SACS: variants seen among roughly 807,000 people sequenced by gnomAD.
SACS encodes the protein sacsin molecular chaperone, also known as sacsin.
A neutral mutation model predicts 348.0 loss-of-function variants in SACS; 197 were observed. The ratio of observed to expected loss-of-function variants is 0.57; its 90% CI spans 0.50 to 0.64. The LOEUF (loss-of-function observed/expected upper bound fraction) is 0.64. SACS is among the 30% of genes least tolerant of loss of function. The pLI is 0.00. For missense variants in SACS, 4,999 were observed against 5,360.8 expected, an observed-to-expected ratio of 0.93 and a Z score of 2.11; for synonymous variants, 1,985 against 1,910.6, an observed-to-expected ratio of 1.04 and a Z score of -1.02.
In SACS at chr13:23,337,398, A is replaced by G. The variant is rs1303733755; in HGVS notation, c.6478T>C (p.Trp2160Arg). ...QLGMAKDDIL[W>R]DDMLERAVSV... ...ACTGCACGTTCTAGCATATCATCCC[A>G]TAAAATATCATCTTTTGCCATACCT... Residue 2160 changes from tryptophan to arginine, a missense_variant, in exon 10 of 10, where the codon TGG (tryptophan) becomes CGG (arginine). Around this residue, in one of 6 missense-constraint regions of SACS, gnomAD observed 3,156 missense variants for 3,380.1 expected, o/e 0.93. Coordinates refer to ENST00000382292, the MANE Select transcript of SACS (RefSeq NM_014363.6). 2 of 1,613,070 alleles carry G rather than the reference A, an allele frequency of 1.2e-6. No individual in the cohort carries two copies. The highest frequency in any genetic ancestry group is 8.5e-7 in the Non-Finnish European group (1 of 1,179,678).
chr13:23,388,804 T>C (rs1003289761), intron 2 of SACS, among the ~76,000 whole-genome samples: 2 of 151,850 alleles, frequency 1.3e-5, no homozygotes, highest in South Asian at 2.1e-4. Context: ...AGGTGATGAG[T>C]GCACTAAAAT....
intron 5 of SACS, among the ~76,000 whole-genome samples, chr13:23,367,177 A>G (rs1374166678): frequency 6.6e-6 from 1 of 152,188 alleles, no homozygotes; most frequent in Non-Finnish European, 1.5e-5. Flanking sequence ...CCTCGTAGCA[A>G]TACTCTTTCC....
At chr13:23,388,797 T>G (rs1872411219) in intron 2 of SACS, among the ~76,000 whole-genome samples, 1 of 151,850 alleles carries the variant, frequency 6.6e-6, no homozygotes, top group Non-Finnish European at 1.5e-5. Flanking sequence ...GCTACTCAGG[T>G]GATGAGTGCA....
At position 23,338,512 on chromosome 13, in the gene SACS, GTCA is replaced by G. The variant is rs775922113; in HGVS notation, c.5361_5363del (p.Asp1788del). On this transcript the variant is annotated inframe_deletion, in exon 10 of 10. Coordinates refer to ENST00000382292, the MANE Select transcript of SACS (RefSeq NM_014363.6). ...TAGCCATTTCAAAGAGAGCAGCTGG[GTCA>G]TCATCTGGACCTCTAAAAAGTGGCG... 1.9e-6 allele frequency: 3 copies of G among 1,614,150 alleles called. No individual in the cohort carries two copies. Among genetic ancestry groups the G allele is most frequent in the Admixed American group, 3.3e-5 (2 of 60,018 alleles).
At chr13:23,377,529 C>A (rs1165853244) in intron 2 of SACS, among the ~76,000 whole-genome samples, 1 of 152,126 alleles carries the variant, frequency 6.6e-6, no homozygotes, top group Admixed American at 6.5e-5. Context: ...AAAATAAAAT[C>A]TTCTTATCCT....
At chr13:23,413,493 G>C (rs59911760) in intron 1 of SACS, among the ~76,000 whole-genome samples, 44,915 of 152,020 alleles carry the variant, frequency 0.3, 7,107 homozygotes, top group East Asian at 0.46. Context: ...CAACCAGGAG[G>C]GGATGGACTG....
At chr13:23,359,926 A>C (rs1209335834) in intron 6 of SACS, among the ~76,000 whole-genome samples, 2 of 152,172 alleles carry the variant, frequency 1.3e-5, no homozygotes, top group African/African-American at 4.8e-5. Context: ...TGGCATGACT[A>C]CTATTTTTAA....
chr13:23,330,786 T>C lies in SACS; in HGVS notation c.13090A>G (p.Lys4364Glu). 1 of 1,613,876 alleles carries C rather than the reference T, an allele frequency of 6.2e-7. No homozygotes were observed. The highest frequency in any genetic ancestry group is 8.5e-7 in the Non-Finnish European group (1 of 1,179,934). The change falls in exon 10 of 10, where the codon AAA becomes GAA. Residue 4364 changes from lysine (K) to glutamate (E), a missense_variant. Coordinates refer to ENST00000382292, the MANE Select transcript of SACS (RefSeq NM_014363.6). ...GCATTTTGATCTAGAAAAGCCTGTT[T>C]TTCTAATCTGTTGATTTCATTCTGC... ...HLQNEINRLE[K>E]QAFLDQNADR... is the part of the protein sequence containing the mutation.
At chr13:23,357,755 A>G (rs1403097053) in intron 7 of SACS, among the ~76,000 whole-genome samples, 6 of 152,222 alleles carry the variant, frequency 3.9e-5, no homozygotes, top group Admixed American at 3.9e-4. Flanking sequence ...TCCTATTGTT[A>G]ACTAGGAACC....
chr13:23,329,961 T>G lies in SACS; in HGVS notation c.*175A>C. 3.1e-6 allele frequency: 2 copies of G among 636,726 alleles called. No individual in the cohort carries two copies. Among genetic ancestry groups the G allele is most frequent in the Non-Finnish European group, 2.7e-6 (1 of 370,452 alleles). 39.4% of individuals were successfully genotyped at this position (636,726 alleles called of 1,614,324 possible). A position where few individuals can be genotyped will look rare whatever the true frequency, so the allele number is the denominator to read the frequency against. ...ATCTTCAAAATAGTTTTCTTTTAGATTCAGTTAAGGTTTTCCGTTGGTATT... is the reference window on the plus strand; with the variant it reads ...ATCTTCAAAATAGTTTTCTTTTAGAGTCAGTTAAGGTTTTCCGTTGGTATT... On this transcript the variant is annotated 3_prime_UTR_variant, in exon 10 of 10. Coordinates refer to ENST00000382292, the MANE Select transcript of SACS (RefSeq NM_014363.6).
At chr13:23,423,633 G>C (rs1300059515) in intron 1 of SACS, among the ~76,000 whole-genome samples, 1 of 152,162 alleles carries the variant, frequency 6.6e-6, no homozygotes, top group Non-Finnish European at 1.5e-5. Context: ...GAACATTTGT[G>C]ATGTGCTTTA....
rs763877740 is a variant in SACS, at chr13:23,334,484, C to T, written c.9392G>A (p.Ser3131Asn). Residue 3131 changes from serine to asparagine, a missense_variant, in exon 10 of 10, where the codon AGT (serine) becomes AAT (asparagine). This residue lies in a region of SACS where 734 missense variants were observed against 694.0 expected (regional missense o/e 1.06). Coordinates refer to ENST00000382292, the MANE Select transcript of SACS (RefSeq NM_014363.6). ...LQQTNLKLFH[S>N]LKLLVDYCFK... is the part of the protein sequence containing the mutation. ...ACAATAATCAACTAAAAGTTTTAAA[C>T]TATGAAAAAGTTTTAGATTAGTCTG... 2 of 1,612,940 alleles carry T rather than the reference C, an allele frequency of 1.2e-6. No individual in the cohort carries two copies. The highest frequency in any genetic ancestry group is 1.7e-6 in the Non-Finnish European group (2 of 1,179,744).
intron 2 of SACS, among the ~76,000 whole-genome samples, chr13:23,396,667 T>C (rs1267142238): frequency 6.6e-6 from 1 of 152,134 alleles, no homozygotes; most frequent in Non-Finnish European, 1.5e-5. Context: ...GTAAAACAAA[T>C]AGAAATCCAC....
At chr13:23,375,463 G>A (rs1268773968) in intron 2 of SACS, 194 bp from the exon 3 acceptor site, 3 of 1,171,346 alleles carry the variant, frequency 2.6e-6, no homozygotes, top group African/African-American at 3.2e-5. Flanking sequence ...GGGAGGGCGG[G>A]ATCCGCATGG....
At chr13:23,398,502 C>G (rs1314440269) in intron 2 of SACS, among the ~76,000 whole-genome samples, 1 of 148,248 alleles carries the variant, frequency 6.7e-6, no homozygotes, top group Non-Finnish European at 1.5e-5. Context: ...CCATTACACT[C>G]CAGCCTGGGC....
In SACS at chr13:23,339,433, T is replaced by C. The variant is rs1474969854; in HGVS notation, c.4443A>G (p.Leu1481=). Residue 1481 remains leucine (L), a synonymous_variant, in exon 10 of 10, where the codon CTA becomes CTG. Transcript: ENST00000382292. ...YPSVSDIFKE[L]LQNADDANAT... Reference sequence around the variant, plus strand: ...CATTTGCATCATCAGCGTTTTGAAGTAGTTCTTTAAAAATATCTGACACTG... The same window carrying C: ...CATTTGCATCATCAGCGTTTTGAAGCAGTTCTTTAAAAATATCTGACACTG... 6.2e-7 allele frequency: 1 copy of C among 1,605,378 alleles called. No homozygotes were observed. Among genetic ancestry groups the C allele is most frequent in the East Asian group, 2.2e-5 (1 of 44,814 alleles).
chr13:23,380,124 T>TGC (rs1392696369), intron 2 of SACS, among the ~76,000 whole-genome samples: 5 of 103,334 alleles, frequency 4.8e-5, no homozygotes, highest in Admixed American at 2.5e-4. Context: ...GATTCCCTCG[T>TGC]GTGTGTGTGT....
rs564227720 is a variant in SACS, at chr13:23,358,485, G to C, written c.458-4C>G. Reference sequence around the variant, plus strand: ...TTGTACACATAGAGAGCTGGCCCTAGGTGTGAAAATGCGCAGGCAGGAATT... The same window carrying C: ...TTGTACACATAGAGAGCTGGCCCTACGTGTGAAAATGCGCAGGCAGGAATT... On this transcript the variant is annotated splice_region_variant and splice_polypyrimidine_tract_variant and intron_variant, in intron 6 of 9. Transcript: ENST00000382292. 1.2e-6 allele frequency: 2 copies of C among 1,614,080 alleles called. No homozygotes were observed. The highest frequency in any genetic ancestry group is 2.2e-5 in the East Asian group (1 of 44,868).
chr13:23,398,511 G>A (rs1236888881), intron 2 of SACS, among the ~76,000 whole-genome samples: 1 of 145,780 alleles, frequency 6.9e-6, no homozygotes, highest in East Asian at 2.0e-4. Context: ...TCCAGCCTGG[G>A]CGACAAGAGT....
Sources: allele counts gnomAD v4.1 joint callset (sites outside exome capture counted in the v4.1 genomes callset), GRCh38; gene constraint gnomAD v4.1.1; regional missense constraint gnomAD v4.1.1; transcripts MANE v1.5; gene names NCBI Gene and HGNC (gene_info 2026-07-23, HGNC 2026-07-21).